SSC5D: variants seen among roughly 807,000 people sequenced by gnomAD.
SSC5D encodes the protein soluble scavenger receptor cysteine-rich domain-containing protein SSC5D.
A neutral mutation model predicts 104.6 loss-of-function variants in SSC5D; 106 were observed. The observed-to-expected ratio is 1.01, with a 90% CI of 0.87 to 1.19. The LOEUF (loss-of-function observed/expected upper bound fraction) is 1.19, where lower values mean the gene tolerates loss of function less well. Ranked by LOEUF, SSC5D falls within the 50% of genes most tolerant of loss-of-function variation. SSC5D has a pLI of 0.00. For synonymous variants in SSC5D, 860 were observed against 883.5 expected (o/e 0.97, Z 0.47); for missense variants, 1,993 against 2,153.8 (o/e 0.93, Z 1.48).
intron 4 of SSC5D, 92 bp from the exon 5 acceptor site, chr19:55,490,206 A>C: frequency 6.4e-6 from 4 of 620,318 alleles, no homozygotes; most frequent in Admixed American, 2.8e-5. Flanking sequence ...GTCCTCCATC[A>C]CTTCAGACCC....
In SSC5D at chr19:55,491,005, C is replaced by G; in HGVS notation, c.820C>G (p.Leu274Val). ...GGGGTGTGGAGGAGGAGAACAGGCC[C>G]TCCGAGACTGCCCCCGAAGCCCCTG... ...DVGCGGGEQA[L>V]RDCPRSPWGR... The change falls in exon 6 of 14, where the codon CTC (leucine) becomes GTC (valine). Residue 274 changes from leucine (L) to valine (V), a missense_variant. Leu to Val is a conservative substitution (Grantham distance 32). Coordinates refer to ENST00000389623, the MANE Select transcript of SSC5D (RefSeq NM_001144950.2). 6.5e-7 allele frequency: 1 copy of G among 1,550,032 alleles called. No individual in the cohort carries two copies.
In SSC5D at chr19:55,514,956, C is replaced by T. The variant is rs145119060; in HGVS notation, c.2947+1784C>T. 5.5e-3 allele frequency among the ~76,000 whole-genome samples: 842 copies of T among 152,264 alleles called. 2 individuals are homozygous for T. Among genetic ancestry groups the T allele is most frequent in the Non-Finnish European group, 8.3e-3 (568 of 68,024 alleles). On this transcript the variant is annotated intron_variant, in intron 13 of 13. Transcript: ENST00000389623. ...AAGCCATGCAGCTGGGGTTTAAACT[C>T]GGACAGCCTGCCTTGAGCACAAGCC...
In SSC5D at chr19:55,504,374, G is replaced by A. The variant is rs1310520275; in HGVS notation, c.2785+3173G>A. ...ATGTGTGCCACCTTATCAATAGGAA[G>A]ACTTGGAGGCGTATGCGGGGTGGAG... On this transcript the variant is annotated intron_variant, in intron 12 of 13. Coordinates refer to ENST00000389623, the MANE Select transcript of SSC5D (RefSeq NM_001144950.2). 2.6e-5 allele frequency: 35 copies of A among 1,355,828 alleles called. No homozygotes were observed. The South Asian group carries it at 6.1e-4, about 24-fold the overall frequency. 84.0% of individuals were successfully genotyped at this position (1,355,828 alleles called of 1,614,324 possible). A position where few individuals can be genotyped will look rare whatever the true frequency, so the allele number is the denominator to read the frequency against.
At position 55,517,462 on chromosome 19, in the gene SSC5D, C is replaced by T; in HGVS notation, c.3186C>T (p.Leu1062=). The T allele has an allele frequency of 6.4e-7, 1 of 1,551,328 alleles. No individual in the cohort carries two copies. Among genetic ancestry groups the T allele is most frequent in the Non-Finnish European group, 8.7e-7 (1 of 1,147,008 alleles). ...PDPASRTNPD[L]ILTSPDFALS... ...CGGCCTCCCGGACGAACCCCGACCT[C>T]ATCTTGACAAGCCCTGACTTTGCTT... The change falls in exon 14 of 14, where the codon CTC becomes CTT. Residue 1062 remains leucine, a synonymous_variant. Coordinates refer to ENST00000389623, the MANE Select transcript of SSC5D (RefSeq NM_001144950.2).
intron 7 of SSC5D, 127 bp from the exon 8 acceptor site, chr19:55,494,483 G>C: frequency 9.2e-7 from 1 of 1,092,256 alleles, no homozygotes; most frequent in Non-Finnish European, 1.3e-6. Flanking sequence ...CTAGGGAGGA[G>C]GTTCGGCAGG....
At position 55,503,420 on chromosome 19, in the gene SSC5D, G is replaced by A. The variant is rs1052386466; in HGVS notation, c.2785+2219G>A. 2.4e-4 allele frequency among the ~76,000 whole-genome samples: 36 copies of A among 151,956 alleles called. 1 individual carries two copies. The stretch of plus-strand genomic sequence containing the variant: ...TGGTATCTTTTCCTTTGTCTCTTAC[G>A]GTTGTTTTCTGAGTCTCCATCTCCC... On this transcript the variant is annotated intron_variant, in intron 12 of 13. Coordinates refer to ENST00000389623, the MANE Select transcript of SSC5D (RefSeq NM_001144950.2). The surrounding 1 kb of genome is among the most constrained non-coding windows in gnomAD (Gnocchi z 4.0).
Position 55,493,903 on chromosome 19 carries a change from G to A in SSC5D, c.1204G>A (p.Val402Met), listed in dbSNP as rs1345665700. Reference sequence around the variant, plus strand: ...TCACCACCGCGAGGACGCCGGGGCCGTGTGTGACGGTGAGGGGGTTGTGGT... The same window carrying A: ...TCACCACCGCGAGGACGCCGGGGCCATGTGTGACGGTGAGGGGGTTGTGGT... Reference protein sequence around the residue: ...DCHHREDAGAVCDGMPLGYVP... With the variant: ...DCHHREDAGAMCDGMPLGYVP... Residue 402 changes from valine (V) to methionine (M), a missense_variant, in exon 7 of 14, where the codon GTG (valine) becomes ATG (methionine). Val to Met is a conservative substitution (Grantham distance 21). Coordinates refer to ENST00000389623, the MANE Select transcript of SSC5D (RefSeq NM_001144950.2). 1 of 1,543,750 alleles carries A rather than the reference G, an allele frequency of 6.5e-7. No individual in the cohort carries two copies. The highest frequency in any genetic ancestry group is 8.7e-7 in the Non-Finnish European group (1 of 1,146,322).
intron 13 of SSC5D, among the ~76,000 whole-genome samples, chr19:55,513,885 G>C (rs994307094): frequency 6.6e-6 from 1 of 152,204 alleles, no homozygotes; most frequent in African/African-American, 2.4e-5. Context: ...CCCTAGATGA[G>C]AAAGAGGAAA....
intron 12 of SSC5D, among the ~76,000 whole-genome samples, chr19:55,506,373 A>ATTTTTTTTTTTTTT: frequency 2.8e-5 from 2 of 72,064 alleles, no homozygotes; most frequent in East Asian, 4.6e-4. Context: ...TGGAATTTGG[A>ATTTTTTTTTTTTTT]TTTTTTTTTT....
chr19:55,499,750 G>T, intron 9 of SSC5D, 66 bp from the exon 10 acceptor site: 1 of 1,280,804 alleles, frequency 7.8e-7, no homozygotes, highest in South Asian at 1.4e-5. Flanking sequence ...AGAAGGAGGG[G>T]CCTGGGTAGA....
intron 13 of SSC5D, 109 bp from the exon 14 acceptor site, chr19:55,517,115 G>A: frequency 9.7e-7 from 1 of 1,036,208 alleles, no homozygotes; most frequent in East Asian, 2.6e-5. Context: ...ATGACGTCTC[G>A]AGGCTCTGTG....
intron 1 of SSC5D, 90 bp downstream of exon 1, chr19:55,488,704 G>A (rs374402645): frequency 1.1e-5 from 13 of 1,199,782 alleles, no homozygotes; most frequent in South Asian, 3.9e-5. Context: ...TCAAACTTCC[G>A]GGACTGGTCG....
Position 55,517,706 on chromosome 19 carries a change from G to A in SSC5D, c.3430G>A (p.Asp1144Asn). The A allele has an allele frequency of 6.5e-7, 1 of 1,550,080 alleles. No individual in the cohort carries two copies. Residue 1144 changes from aspartate (D) to asparagine (N), a missense_variant, in exon 14 of 14, where the codon GAC (aspartate) becomes AAC (asparagine). Around this residue, in one of 6 missense-constraint regions of SSC5D, gnomAD observed 423 missense variants for 409.2 expected, o/e 1.03. Transcript: ENST00000389623. ...STVSEYSRSP[D>N]PSPSPHPTTT... is the part of the protein sequence containing the mutation. ...AGTCTCAGAATATTCTAGATCCCCA[G>A]ACCCCTCCCCAAGCCCTCACCCCAC...
rs1987449989 is a variant in SSC5D at position 55,500,299 on chromosome 19, T to C, written c.2189T>C (p.Ile730Thr). The change falls in exon 10 of 14, where the codon ATC (isoleucine) becomes ACC (threonine). Residue 730 changes from isoleucine to threonine, a missense_variant. Transcript: ENST00000389623. The surrounding 1 kb of genome is among the most constrained non-coding windows in gnomAD (Gnocchi z 4.6). ...CAAGAAATGACCTCTGAGTCCACTATCAAGAGTATCCCTCAGGCCTCCCTG... is the reference window on the plus strand; with the variant it reads ...CAAGAAATGACCTCTGAGTCCACTACCAAGAGTATCCCTCAGGCCTCCCTG... ...GPQEMTSEST[I>T]KSIPQASLEP... The C allele has an allele frequency of 6.4e-7, 1 of 1,550,786 alleles. No individual in the cohort carries two copies. The highest frequency in any genetic ancestry group is 1.2e-5 in the South Asian group (1 of 84,044).
intron 4 of SSC5D, 112 bp downstream of exon 4, chr19:55,490,107 C>G (rs554983970): frequency 1.5e-6 from 1 of 661,992 alleles, no homozygotes; most frequent in Non-Finnish European, 2.5e-6. Context: ...CCTGCCCCCA[C>G]CGAGGGGAGA....
At chr19:55,495,402 ATT>A (rs548084625) in intron 8 of SSC5D, among the ~76,000 whole-genome samples, 3 of 135,426 alleles carry the variant, frequency 2.2e-5, no homozygotes, top group Non-Finnish European at 1.6e-5. Context: ...AATTTTTTGT[ATT>A]TTTTTTTTTT....
At position 55,498,211 on chromosome 19, in the gene SSC5D, AG is replaced by A; in HGVS notation, c.1705+15del. 1 of 1,551,550 alleles carries A rather than the reference AG, an allele frequency of 6.4e-7. No homozygotes were observed. The highest frequency in any genetic ancestry group is 1.4e-5 in the African/African-American group (1 of 73,168). ...TCACCTGCACTGGTAAGGAGGCCCT[AG>A]CTATCTGTTGACTCCAGGAGGGCTT... On this transcript the variant is annotated intron_variant, in intron 9 of 13. Coordinates refer to ENST00000389623, the MANE Select transcript of SSC5D (RefSeq NM_001144950.2).
In SSC5D at chr19:55,519,031, C is replaced by A; in HGVS notation, c.*33C>A. ...CAGGATTTGAGGGGCTTAAGACACC[C>A]CCAACCAAAAAAAACAAAAACAAAA... is the stretch of plus-strand genomic sequence containing the variant. On this transcript the variant is annotated 3_prime_UTR_variant, in exon 14 of 14. Transcript: ENST00000389623. The A allele has an allele frequency of 6.6e-7, 1 of 1,515,744 alleles. No individual in the cohort carries two copies. The highest frequency in any genetic ancestry group is 8.8e-7 in the Non-Finnish European group (1 of 1,136,002). The allele number at this position is 1,515,744 out of a possible 1,614,324, so 93.9% of individuals were successfully genotyped here.
At chr19:55,496,407 G>C (rs1159531020) in intron 8 of SSC5D, among the ~76,000 whole-genome samples, 1 of 152,186 alleles carries the variant, frequency 6.6e-6, no homozygotes, top group Non-Finnish European at 1.5e-5. Context: ...CCTCAAGATG[G>C]GAAAAGGCCG....
Sources: gnomAD v4.1 joint callset for allele counts (sites outside exome capture counted in the v4.1 genomes callset) on GRCh38, gnomAD v4.1.1 for gene constraint, gnomAD v4.1.1 regional missense constraint, Gnocchi (gnomAD v3.1) non-coding constraint, MANE v1.5 for transcripts, NCBI Gene and HGNC (gene_info 2026-07-23, HGNC 2026-07-21) for gene names.